The following ONECUT2 variants were observed in gnomAD, a reference collection of about 807,000 sequenced individuals.
ONECUT2 encodes one cut homeobox 2, also known as one cut domain family member 2.
In ONECUT2, 10 loss-of-function variants were observed where a neutral mutation model predicts 27.9. The ratio of observed to expected loss-of-function variants is 0.36; its 90% CI spans 0.22 to 0.61. ONECUT2 has a LOEUF of 0.61. Ranked by LOEUF, ONECUT2 falls within the 20% of genes least tolerant of loss-of-function variation. The pLI is 0.73. For missense variants in ONECUT2, 686 were observed against 721.0 expected, an observed-to-expected ratio of 0.95 and a Z score of 0.56; for synonymous variants, 334 against 315.1, an observed-to-expected ratio of 1.06 and a Z score of -0.64.
At chr18:57,447,941 G>C (rs1384722054) in intron 1 of ONECUT2, among the ~76,000 whole-genome samples, 2 of 152,142 alleles carry the variant, frequency 1.3e-5, no homozygotes, top group Non-Finnish European at 2.9e-5. Context: ...CCCCTACGAA[G>C]GGCCAGAGAT....
chr18:57,451,997 C>A (rs1461502153), intron 1 of ONECUT2, among the ~76,000 whole-genome samples: 2 of 152,126 alleles, frequency 1.3e-5, no homozygotes, highest in Non-Finnish European at 2.9e-5. Flanking sequence ...TGTTTGCATT[C>A]TACCTCATGC....
chr18:57,440,780 CAG>C (rs2050169704), intron 1 of ONECUT2, among the ~76,000 whole-genome samples: 1 of 152,214 alleles, frequency 6.6e-6, no homozygotes, highest in African/African-American at 2.4e-5. Context: ...ACCCCCTTCG[CAG>C]AGTCTCGCGC....
chr18:57,437,593 G>T (rs1027442796), intron 1 of ONECUT2, among the ~76,000 whole-genome samples: 12 of 152,228 alleles, frequency 7.9e-5, no homozygotes, highest in Admixed American at 6.5e-5. Flanking sequence ...TGGCGTTGGC[G>T]CAGGGACTTT....
chr18:57,438,470 G>A (rs927467240), intron 1 of ONECUT2, among the ~76,000 whole-genome samples: 4 of 152,206 alleles, frequency 2.6e-5, no homozygotes, highest in African/African-American at 9.6e-5. Flanking sequence ...CCGATCCCCC[G>A]GGCTTTCCTC....
At chr18:57,442,796 C>T (rs767461637) in intron 1 of ONECUT2, among the ~76,000 whole-genome samples, 1 of 152,146 alleles carries the variant, frequency 6.6e-6, no homozygotes, top group Non-Finnish European at 1.5e-5. Flanking sequence ...ACTGATTACC[C>T]CAGATTCTCT....
In ONECUT2 at chr18:57,462,416, C is replaced by T. The variant is rs536659734; in HGVS notation, c.1229-14021C>T. ...TAAATTTTTTTAAGAGACAGGGTCT[C>T]GCTCTGTTACCCAGGCTGGAGTATA... is the stretch of plus-strand genomic sequence containing the variant. On this transcript the variant is annotated intron_variant, in intron 1 of 1. Transcript: ENST00000491143. Among the ~76,000 whole-genome samples the T allele has an allele frequency of 2.0e-5, 3 of 152,166 alleles. No homozygotes were observed. In the East Asian group the frequency reaches 5.8e-4, roughly 29 times the overall value.
At position 57,483,369 on chromosome 18, in the gene ONECUT2, T is replaced by G. The variant is rs2050424900; in HGVS notation, c.*6646T>G. ...TTTTTATTTAGACTATCAAATGAAG[T>G]TATACATGTTGTCAGTCAAAAAATG... is the stretch of plus-strand genomic sequence containing the variant. On this transcript the variant is annotated 3_prime_UTR_variant, in exon 2 of 2. Coordinates refer to ENST00000491143, the MANE Select transcript of ONECUT2 (RefSeq NM_004852.3). 6.6e-6 allele frequency: 1 copy of G among 152,614 alleles called. No individual in the cohort carries two copies. The highest frequency in any genetic ancestry group is 6.5e-5 in the Admixed American group (1 of 15,284). 9.5% of individuals were successfully genotyped at this position (152,614 alleles called of 1,614,324 possible).
rs564596465 is a variant in ONECUT2, at chr18:57,477,299, A to C, written c.*576A>C. On this transcript the variant is annotated 3_prime_UTR_variant, in exon 2 of 2. Coordinates refer to ENST00000491143, the MANE Select transcript of ONECUT2 (RefSeq NM_004852.3). Reference sequence around the variant, plus strand: ...ATCAGAATGGTAATTACTGAGCACAAGTTTTAAATATGGACGTTAAAAAAA... The same window carrying C: ...ATCAGAATGGTAATTACTGAGCACACGTTTTAAATATGGACGTTAAAAAAA... The C allele has an allele frequency of 1.3e-5, 2 of 150,830 alleles. No homozygotes were observed. The highest frequency in any genetic ancestry group is 3.9e-4 in the East Asian group (2 of 5,162). The allele number at this position is 150,830 out of a possible 1,614,324, so 9.3% of individuals were successfully genotyped here. A position where few individuals can be genotyped will look rare whatever the true frequency, so the allele number is the denominator to read the frequency against.
chr18:57,456,439 T>A (rs2050260019), intron 1 of ONECUT2, among the ~76,000 whole-genome samples: 2 of 152,210 alleles, frequency 1.3e-5, no homozygotes, highest in African/African-American at 4.8e-5. Flanking sequence ...TATACTATGG[T>A]CTGAATGAGT....
At chr18:57,460,685 ATC>A (rs2050285685) in intron 1 of ONECUT2, among the ~76,000 whole-genome samples, 2 of 127,332 alleles carry the variant, frequency 1.6e-5, no homozygotes, top group Admixed American at 8.4e-5. Flanking sequence ...ATTCATTCAA[ATC>A]TTTTTTTTTT....
intron 1 of ONECUT2, among the ~76,000 whole-genome samples, chr18:57,450,237 G>A (rs1391064211): frequency 6.6e-6 from 1 of 152,050 alleles, no homozygotes; most frequent in Non-Finnish European, 1.5e-5. Context: ...GCAGTGGTGC[G>A]ATCTCGGCTA....
At chr18:57,437,474 C>T (rs2050149359) in intron 1 of ONECUT2, among the ~76,000 whole-genome samples, 1 of 152,256 alleles carries the variant, frequency 6.6e-6, no homozygotes, top group African/African-American at 2.4e-5. Flanking sequence ...TACTCTCCCA[C>T]CCACCATATA....
At chr18:57,452,653 G>T (rs1353041094) in intron 1 of ONECUT2, among the ~76,000 whole-genome samples, 1 of 152,200 alleles carries the variant, frequency 6.6e-6, no homozygotes, top group Non-Finnish European at 1.5e-5. Flanking sequence ...TCGAACTCCT[G>T]ACCTCAGGTG....
chr18:57,477,802 G>A lies in ONECUT2; in HGVS notation c.*1079G>A, dbSNP rs645720. ...TATGACCACCACGTAATCCATTCTC[G>A]CTCTTTCTGATTTGGGGTTTTTCCT... On this transcript the variant is annotated 3_prime_UTR_variant, in exon 2 of 2. Transcript: ENST00000491143. The A allele has an allele frequency of 0.96, 147,120 of 152,486 alleles. 71,190 individuals carry two copies. Among genetic ancestry groups the A allele is most frequent in the East Asian group, 1 (5,156 of 5,156 alleles). The allele number at this position is 152,486 out of a possible 1,614,324, so 9.4% of individuals were successfully genotyped here. A position where few individuals can be genotyped will look rare whatever the true frequency, so the allele number is the denominator to read the frequency against.
intron 1 of ONECUT2, among the ~76,000 whole-genome samples, chr18:57,454,471 A>G (rs1344253933): frequency 6.6e-6 from 1 of 152,020 alleles, no homozygotes; most frequent in Non-Finnish European, 1.5e-5. Context: ...CAGGCAGGGG[A>G]CGACTCTTGA....
chr18:57,458,547 G>C lies in ONECUT2; in HGVS notation c.1229-17890G>C, dbSNP rs948742307. On this transcript the variant is annotated intron_variant, in intron 1 of 1. Transcript: ENST00000491143. ...CTACCCAGCTTCTACATATAAATGA[G>C]GTTCTTGCAACCCACATTTATTGCA... Among the ~76,000 whole-genome samples the C allele has an allele frequency of 1.2e-4, 19 of 152,166 alleles. 1 individual carries two copies. Among genetic ancestry groups the C allele is most frequent in the African/African-American group, 4.3e-4 (18 of 41,428 alleles).
chr18:57,439,359 G>A (rs552736793), intron 1 of ONECUT2, among the ~76,000 whole-genome samples: 12 of 152,346 alleles, frequency 7.9e-5, no homozygotes, highest in East Asian at 1.9e-4. Flanking sequence ...CTCCTCCAGC[G>A]AGTGGAAAAG....
chr18:57,475,145 C>G (rs978615026), intron 1 of ONECUT2, among the ~76,000 whole-genome samples: 4 of 151,358 alleles, frequency 2.6e-5, no homozygotes, highest in Admixed American at 2.6e-4. Flanking sequence ...CAACTTCCAC[C>G]TCCTGGGTTC....
intron 1 of ONECUT2, chr18:57,444,244 A>G: frequency 5.0e-6 from 2 of 400,090 alleles, no homozygotes; most frequent in Non-Finnish European, 1.0e-5. Context: ...TCTCTGTGCA[A>G]TCAGCCTTGG....
Sources: gnomAD v4.1 joint callset for allele counts (sites outside exome capture counted in the v4.1 genomes callset) on GRCh38, gnomAD v4.1.1 for gene constraint, MANE v1.5 for transcripts, NCBI Gene and HGNC (gene_info 2026-07-23, HGNC 2026-07-21) for gene names.